The following RRP12 variants were observed in gnomAD, a reference collection of about 807,000 sequenced individuals.
The protein encoded by RRP12 is RRP12-like protein.
In RRP12, 78 loss-of-function variants were observed where a neutral mutation model predicts 157.3. That is an observed-to-expected ratio of 0.50 (90% confidence interval 0.41 to 0.60). The LOEUF is 0.60. Among genes scored for constraint, RRP12 ranks in the 20% least tolerant of loss-of-function variants. The probability of loss-of-function intolerance (pLI) is 0.00; values close to 1 mark genes in which losing one functional copy is unlikely to be tolerated. For synonymous variants in RRP12, 726 were observed against 670.9 expected, an observed-to-expected ratio of 1.08 and a Z score of -1.27; for missense variants, 1,521 against 1,679.9, an observed-to-expected ratio of 0.91 and a Z score of 1.65.
intron 14 of RRP12, 79 bp from the exon 15 acceptor site, chr10:97,379,493 C>G: frequency 6.3e-7 from 1 of 1,599,214 alleles, no homozygotes; most frequent in Non-Finnish European, 8.5e-7. Flanking sequence ...GAGCCCAGGA[C>G]AGAGTAAGAC....
At chr10:97,358,862 G>T in intron 32 of RRP12, 81 bp downstream of exon 32, 2 of 1,187,642 alleles carry the variant, frequency 1.7e-6, no homozygotes, top group Non-Finnish European at 1.2e-6. Context: ...TCTCAGGACA[G>T]TGATGGGCAC....
Position 97,363,834 on chromosome 10 carries a change from C to T in RRP12, c.3567+20G>A, listed in dbSNP as rs574092007. On this transcript the variant is annotated intron_variant, in intron 30 of 33. Coordinates refer to ENST00000370992, the MANE Select transcript of RRP12 (RefSeq NM_015179.4). ...GCTTAGGTCTGAAGCCCTAGCCCCC[C>T]ATCTGCAGGAACTACTCACATTCCT... The T allele has an allele frequency of 6.2e-7, 1 of 1,609,902 alleles. No homozygotes were observed.
Position 97,388,524 on chromosome 10 carries a change from G to T in RRP12, c.854C>A (p.Ala285Asp), listed in dbSNP as rs1347650402. Residue 285 changes from alanine (A) to aspartate (D), a missense_variant, in exon 7 of 34, where the codon GCC (alanine) becomes GAC (aspartate). Transcript: ENST00000370992. ...CTCAATCTCCTGGATGCAGAACTTG[G>T]CAGTGGAAATGGCAGCAGGATGATG... Reference protein sequence around the residue: ...PAHHPAAISTAKFCIQEIEKS... With the variant: ...PAHHPAAISTDKFCIQEIEKS... 1 of 1,614,192 alleles carries T rather than the reference G, an allele frequency of 6.2e-7. No individual in the cohort carries two copies. The highest frequency in any genetic ancestry group is 1.1e-5 in the South Asian group (1 of 91,082).
chr10:97,372,927 G>T, intron 18 of RRP12, 119 bp downstream of exon 18: 1 of 1,434,082 alleles, frequency 7.0e-7, no homozygotes, highest in Non-Finnish European at 9.6e-7. Flanking sequence ...CATGACTGCT[G>T]GTATGTGCTC....
At position 97,400,497 on chromosome 10, in the gene RRP12, A is replaced by G. The variant is rs1845114358; in HGVS notation, c.177T>C (p.His59=). 1 of 1,614,034 alleles carries G rather than the reference A, an allele frequency of 6.2e-7. No individual in the cohort carries two copies. The highest frequency in any genetic ancestry group is 1.6e-4 in the Middle Eastern group (1 of 6,062). ...GCAAGGACCCTGACTGCAGCTCATT[A>G]TGTAACTTCACAGCATCGACTGTCA... ...SDLTVDAVKL[H]NELQSGSLRL... The change falls in exon 2 of 34, where the codon CAT becomes CAC. Residue 59 remains histidine (H), a synonymous_variant. Transcript: ENST00000370992.
intron 4 of RRP12, among the ~76,000 whole-genome samples, chr10:97,391,164 C>G (rs1844792743): frequency 6.6e-6 from 1 of 152,210 alleles, no homozygotes; most frequent in Non-Finnish European, 1.5e-5. Context: ...CTCACTGCTC[C>G]AGGAATGCCC....
chr10:97,386,044 C>T (rs1844623083), intron 8 of RRP12, 51 bp from the exon 9 acceptor site: 2 of 1,242,960 alleles, frequency 1.6e-6, no homozygotes, highest in Non-Finnish European at 2.3e-6. Flanking sequence ...CCACGGCTGG[C>T]CCTGGACCCC....
At chr10:97,371,562 T>C (rs532775718) in intron 20 of RRP12, 12 of 192,114 alleles carry the variant, frequency 6.2e-5, no homozygotes, top group Admixed American at 2.7e-4. Flanking sequence ...TCTCACACTG[T>C]TAGGTAACTG....
intron 15 of RRP12, among the ~76,000 whole-genome samples, chr10:97,376,984 G>A (rs190402709): frequency 1.4e-4 from 21 of 151,056 alleles, no homozygotes; most frequent in African/African-American, 4.9e-4. Flanking sequence ...GAGTCCAAGC[G>A]TTCTCCTGCC....
intron 20 of RRP12, 179 bp downstream of exon 20, chr10:97,371,894 G>A (rs1251452647): frequency 3.6e-6 from 2 of 555,522 alleles, no homozygotes; most frequent in East Asian, 5.6e-5. Context: ...AGTCCCTTTG[G>A]GACCTGCAAG....
At position 97,367,046 on chromosome 10, in the gene RRP12, C is replaced by G. The variant is rs1844007265; in HGVS notation, c.3042G>C (p.Lys1014Asn). 4 of 1,614,090 alleles carry G rather than the reference C, an allele frequency of 2.5e-6. No homozygotes were observed. Among genetic ancestry groups the G allele is most frequent in the Non-Finnish European group, 3.4e-6 (4 of 1,180,026 alleles). ...LRNLFTKFIR[K>N]FGFELVKRLL... ...CCCCTGCTCAGTGCACAGACCCAAA[C>G]TTGCGGATGAACTTGGTGAACAGGT... Residue 1014 changes from lysine (K) to asparagine (N), a missense_variant, in exon 26 of 34, where the codon AAG becomes AAC. Lys to Asn is a moderately conservative substitution (Grantham distance 94). Coordinates refer to ENST00000370992, the MANE Select transcript of RRP12 (RefSeq NM_015179.4).
chr10:97,395,406 G>A (rs943983106), intron 3 of RRP12, among the ~76,000 whole-genome samples: 1 of 151,776 alleles, frequency 6.6e-6, no homozygotes. Flanking sequence ...ACAAAAATCA[G>A]CCAGGTGTGG....
chr10:97,401,054 A>G, intron 1 of RRP12, 39 bp downstream of exon 1: 1 of 1,604,556 alleles, frequency 6.2e-7, no homozygotes, highest in East Asian at 2.2e-5. Flanking sequence ...TCTGCCTGGA[A>G]CCCCGCCCCC....
intron 20 of RRP12, 95 bp from the exon 21 acceptor site, chr10:97,371,176 G>A: frequency 7.8e-7 from 1 of 1,282,556 alleles, no homozygotes; most frequent in Non-Finnish European, 1.1e-6. Flanking sequence ...ATTCTGAGCA[G>A]GGGTCCGTGG....
chr10:97,379,690 C>T lies in RRP12; in HGVS notation c.1614G>A (p.Ala538=), dbSNP rs140888273. The change falls in exon 14 of 34, where the codon GCG becomes GCA. Residue 538 remains alanine, a synonymous_variant. Transcript: ENST00000370992. ...CCACCTCAGGTCCCATACTGGTCAC[C>T]GCAGCCCCCACTGCCTGGTCAAGAG... ...TAALDQAVGA[A]VTSMGPEVVL... 169 of 1,614,070 alleles carry T rather than the reference C, an allele frequency of 1.0e-4. No individual in the cohort carries two copies. In the African/African-American group the frequency reaches 1.6e-3, roughly 16 times the overall value.
intron 6 of RRP12, 27 bp downstream of exon 6, chr10:97,390,396 C>G (rs1423133840): frequency 1.3e-6 from 2 of 1,562,964 alleles, no homozygotes; most frequent in Admixed American, 3.3e-5. Flanking sequence ...CCCCTTGCCC[C>G]ATTTTCTAGG....
intron 19 of RRP12, 103 bp downstream of exon 19, chr10:97,372,633 C>G: frequency 1.1e-6 from 1 of 937,564 alleles, no homozygotes; most frequent in Non-Finnish European, 1.7e-6. Flanking sequence ...TACTTCAAGG[C>G]TTCCTTAAAT....
intron 9 of RRP12, 65 bp from the exon 10 acceptor site, chr10:97,385,322 C>T: frequency 8.2e-7 from 1 of 1,214,390 alleles, no homozygotes; most frequent in Non-Finnish European, 1.2e-6. Context: ...GATGATGACC[C>T]CTTCCCATCC....
rs767203074 is a variant in RRP12, at chr10:97,370,501, G to A, written c.2643C>T (p.Leu881=). 21 of 1,610,750 alleles carry A rather than the reference G, an allele frequency of 1.3e-5. No individual in the cohort carries two copies. The East Asian group carries it at 2.5e-4, about 19-fold the overall frequency. ...VGARKNAFAL[L]VEMGHAFLRF... is the part of the protein sequence containing the mutation. The stretch of plus-strand genomic sequence containing the variant: ...TTAGGAAAGCATGGCCCATCTCCAC[G>A]AGCAGTGCAAAAGCGTTCTTCCGTG... Residue 881 remains leucine (L), a synonymous_variant, in exon 23 of 34, where the codon CTC becomes CTT. Coordinates refer to ENST00000370992, the MANE Select transcript of RRP12 (RefSeq NM_015179.4).
Sources: allele counts gnomAD v4.1 joint callset (sites outside exome capture counted in the v4.1 genomes callset), GRCh38; gene constraint gnomAD v4.1.1; transcripts MANE v1.5; gene names NCBI Gene and HGNC (gene_info 2026-07-23, HGNC 2026-07-21).